GALNTL6: variants seen among roughly 807,000 people sequenced by gnomAD.
GALNTL6 encodes the protein polypeptide N-acetylgalactosaminyltransferase like 6.
In GALNTL6, 46 loss-of-function variants were observed where a neutral mutation model predicts 73.7. The observed-to-expected ratio is 0.62, with a 90% confidence interval of 0.49 to 0.80. The LOEUF is 0.80. Among genes scored for constraint, GALNTL6 ranks in the 30% least tolerant of loss-of-function variants. GALNTL6 has a pLI of 0.00. For missense variants in GALNTL6, 604 were observed against 755.0 expected (o/e 0.80, Z 2.34); for synonymous variants, 259 against 263.7 (o/e 0.98, Z 0.17).
At chr4:172,807,134 T>G (rs1741009686) in intron 5 of GALNTL6, among the ~76,000 whole-genome samples, 1 of 152,144 alleles carries the variant, frequency 6.6e-6, no homozygotes, top group Non-Finnish European at 1.5e-5. Flanking sequence ...GTATAGCCAA[T>G]AGAATCTTTC....
intron 3 of GALNTL6, among the ~76,000 whole-genome samples, chr4:172,236,077 A>T (rs1737230528): frequency 6.6e-6 from 1 of 152,176 alleles, no homozygotes; most frequent in African/African-American, 2.4e-5. Flanking sequence ...TTGTAGAATA[A>T]GCATTTTGGA....
At chr4:172,513,637 G>A (rs1023013544) in intron 5 of GALNTL6, among the ~76,000 whole-genome samples, 1 of 152,140 alleles carries the variant, frequency 6.6e-6, no homozygotes, top group Non-Finnish European at 1.5e-5. Flanking sequence ...TTCCCCTAGG[G>A]ATGGGGCTTC....
chr4:172,127,628 A>G (rs1304501846), intron 2 of GALNTL6, among the ~76,000 whole-genome samples: 1 of 152,262 alleles, frequency 6.6e-6, no homozygotes, highest in African/African-American at 2.4e-5. Flanking sequence ...GTGATCACCT[A>G]AGTAAGAATC....
At chr4:172,065,051 A>G (rs937280726) in intron 2 of GALNTL6, among the ~76,000 whole-genome samples, 6 of 152,140 alleles carry the variant, frequency 3.9e-5, no homozygotes, top group Non-Finnish European at 7.4e-5. Flanking sequence ...TGACCATTAA[A>G]TGTAATTTAA....
At chr4:172,566,680 T>C (rs1736566064) in intron 5 of GALNTL6, among the ~76,000 whole-genome samples, 1 of 150,806 alleles carries the variant, frequency 6.6e-6, no homozygotes, top group Non-Finnish European at 1.5e-5. Context: ...AGAAAAAATA[T>C]TAAAGCAGGA....
intron 2 of GALNTL6, among the ~76,000 whole-genome samples, chr4:172,072,509 C>T (rs996852411): frequency 6.6e-6 from 1 of 152,162 alleles, no homozygotes; most frequent in African/African-American, 2.4e-5. Context: ...CATTACTTGA[C>T]ATCTTTACTT....
chr4:172,249,992 C>G (rs1159916433), intron 3 of GALNTL6, among the ~76,000 whole-genome samples: 1 of 152,138 alleles, frequency 6.6e-6, no homozygotes, highest in African/African-American at 2.4e-5. Context: ...ATCCTCCAGA[C>G]CCTAGAATGG....
At position 172,736,532 on chromosome 4, in the gene GALNTL6, A is replaced by G. The variant is rs555146741; in HGVS notation, c.554-72829A>G. Among the ~76,000 whole-genome samples the G allele has an allele frequency of 6.1e-3, 926 of 152,328 alleles. 9 individuals are homozygous for G. The highest frequency in any genetic ancestry group is 0.017 in the African/African-American group (724 of 41,558). On this transcript the variant is annotated intron_variant, in intron 5 of 12. Coordinates refer to ENST00000506823, the MANE Select transcript of GALNTL6 (RefSeq NM_001034845.3). ...CATGCTTTACAAACAATTTGTGCAG[A>G]TAACGCAATCATCACAGGGTCCTGA... is the stretch of plus-strand genomic sequence containing the variant.
chr4:172,844,973 T>C (rs1003304203), intron 7 of GALNTL6, among the ~76,000 whole-genome samples: 4 of 152,056 alleles, frequency 2.6e-5, no homozygotes, highest in African/African-American at 9.7e-5. Context: ...CCCAGCACTT[T>C]GGGAGGCCAA....
intron 5 of GALNTL6, among the ~76,000 whole-genome samples, chr4:172,390,097 T>C (rs897607121): frequency 1.2e-4 from 19 of 152,188 alleles, no homozygotes; most frequent in Admixed American, 7.2e-4. Flanking sequence ...TTTTTCTTAT[T>C]ATTTAAATTT....
Position 172,908,212 on chromosome 4 carries a change from A to C in GALNTL6, c.1042-22949A>C, listed in dbSNP as rs1747008103. On this transcript the variant is annotated intron_variant, in intron 8 of 12. Transcript: ENST00000506823. ...TTGTTTATTTCTAGAATTTTCTAAC[A>C]ATATTGTTGGACTGTGCTTGGCCAC... Among the ~76,000 whole-genome samples, 3 of 152,166 alleles carry C rather than the reference A, an allele frequency of 2.0e-5. No homozygotes were observed. The South Asian group carries it at 6.2e-4, about 32-fold the overall frequency.
intron 5 of GALNTL6, among the ~76,000 whole-genome samples, chr4:172,377,640 G>C (rs369368417): frequency 4.6e-5 from 7 of 152,260 alleles, no homozygotes; most frequent in South Asian, 4.1e-4. Flanking sequence ...GGTTGTGGGG[G>C]AGCTCGGTCA....
chr4:172,127,318 T>C (rs1363286760), intron 2 of GALNTL6, among the ~76,000 whole-genome samples: 1 of 152,248 alleles, frequency 6.6e-6, no homozygotes, highest in African/African-American at 2.4e-5. Context: ...TCCACCATTG[T>C]TGACACCTGA....
intron 5 of GALNTL6, among the ~76,000 whole-genome samples, chr4:172,515,949 G>A (rs1227654639): frequency 6.6e-6 from 1 of 152,138 alleles, no homozygotes; most frequent in Non-Finnish European, 1.5e-5. Flanking sequence ...GGGCTAAGGA[G>A]CTCTTAGCAT....
chr4:172,907,675 C>G (rs184053101), intron 8 of GALNTL6, among the ~76,000 whole-genome samples: 1 of 152,174 alleles, frequency 6.6e-6, no homozygotes, highest in Admixed American at 6.5e-5. Flanking sequence ...GTTTCTGTTC[C>G]GGTCCTCCGT....
At chr4:172,869,394 C>G (rs577910191) in intron 7 of GALNTL6, among the ~76,000 whole-genome samples, 1 of 152,008 alleles carries the variant, frequency 6.6e-6, no homozygotes, top group Admixed American at 6.6e-5. Flanking sequence ...GTGGAGTGTG[C>G]GTCAGGAAAG....
chr4:172,999,526 C>T lies in GALNTL6; in HGVS notation c.1372-9652C>T, dbSNP rs186136086. On this transcript the variant is annotated intron_variant, in intron 10 of 12. Coordinates refer to ENST00000506823, the MANE Select transcript of GALNTL6 (RefSeq NM_001034845.3). ...CAAAAAAGGATTTGAAGTTGAAAGG[C>T]AAAATATTAGTAGAATATTAGCAAA... Among the ~76,000 whole-genome samples, 7 of 152,092 alleles carry T rather than the reference C, an allele frequency of 4.6e-5. No individual in the cohort carries two copies. In the East Asian group the frequency reaches 1.2e-3, roughly 25 times the overall value.
intron 8 of GALNTL6, among the ~76,000 whole-genome samples, chr4:172,906,733 G>A (rs1746913978): frequency 6.6e-6 from 1 of 152,202 alleles, no homozygotes. Flanking sequence ...TCAGGTCCTT[G>A]CCATGTGGCC....
At chr4:171,927,671 C>T (rs1429023778) in intron 2 of GALNTL6, among the ~76,000 whole-genome samples, 1 of 152,034 alleles carries the variant, frequency 6.6e-6, no homozygotes, top group Admixed American at 6.6e-5. Context: ...CCACATGGGT[C>T]TTCTTGGTGG....
Sources: allele counts gnomAD v4.1 joint callset (sites outside exome capture counted in the v4.1 genomes callset), GRCh38; gene constraint gnomAD v4.1.1; transcripts MANE v1.5; gene names NCBI Gene and HGNC (gene_info 2026-07-23, HGNC 2026-07-21).